The following APPBP2 variants were observed in gnomAD, a reference collection of about 807,000 sequenced individuals.
APPBP2 encodes the protein amyloid protein-binding protein 2.
APPBP2 carries 15 observed loss-of-function variants against 76.0 expected under a neutral mutation model. The ratio of observed to expected loss-of-function variants is 0.20; its 90% CI spans 0.13 to 0.30. The LOEUF is 0.30. Among genes scored for constraint, APPBP2 ranks in the 10% least tolerant of loss-of-function variants. The pLI is 1.00. For synonymous variants in APPBP2, 222 were observed against 242.2 expected, an observed-to-expected ratio of 0.92 and a Z score of 0.77; for missense variants, 401 against 687.2, an observed-to-expected ratio of 0.58 and a Z score of 4.66.
At chr17:60,462,776 C>T (rs887832318) in intron 6 of APPBP2, 3 of 152,032 alleles carry the variant, frequency 2.0e-5, no homozygotes, top group African/African-American at 7.3e-5. Flanking sequence ...CGGTGAAACC[C>T]CGTCTCTACT....
intron 1 of APPBP2, among the ~76,000 whole-genome samples, chr17:60,505,055 T>C (rs573109316): frequency 2.6e-5 from 4 of 152,336 alleles, no homozygotes; most frequent in Non-Finnish European, 5.9e-5. Flanking sequence ...CTAAATTGTA[T>C]ATCTACATTA....
At chr17:60,468,906 T>C (rs2090530405) in intron 4 of APPBP2, among the ~76,000 whole-genome samples, 1 of 152,210 alleles carries the variant, frequency 6.6e-6, no homozygotes, top group African/African-American at 2.4e-5. Context: ...ATGAAAAATA[T>C]ACAAATGTGT....
At chr17:60,496,163 A>C (rs1238616844) in intron 2 of APPBP2, among the ~76,000 whole-genome samples, 1 of 152,226 alleles carries the variant, frequency 6.6e-6, no homozygotes, top group East Asian at 1.9e-4. Flanking sequence ...AGCCAAGAGG[A>C]AATGGAGTTG....
chr17:60,501,363 C>T (rs1392481250), intron 1 of APPBP2, among the ~76,000 whole-genome samples: 1 of 151,926 alleles, frequency 6.6e-6, no homozygotes, highest in Non-Finnish European at 1.5e-5. Context: ...TACTATTGTC[C>T]CTCCCTGCAA....
In APPBP2 at chr17:60,479,078, T is replaced by C. The variant is rs113407114; in HGVS notation, c.503+70A>G. ...TTACTCAAATGTTGGCATATACTTA[T>C]AAGAGCTAAAACTATAAAAGCCACT... On this transcript the variant is annotated intron_variant, in intron 4 of 12. Transcript: ENST00000083182. 5.2e-4 allele frequency: 763 copies of C among 1,474,562 alleles called. 2 individuals are homozygous for C. In the African/African-American group the frequency reaches 9.2e-3, roughly 18 times the overall value. The allele number at this position is 1,474,562 out of a possible 1,614,324, so 91.3% of individuals were successfully genotyped here.
At chr17:60,522,988 C>T (rs2091022644) in intron 1 of APPBP2, among the ~76,000 whole-genome samples, 1 of 152,004 alleles carries the variant, frequency 6.6e-6, no homozygotes, top group African/African-American at 2.4e-5. Context: ...ACCCCATCTC[C>T]TAATGCTTTA....
intron 1 of APPBP2, among the ~76,000 whole-genome samples, chr17:60,519,284 C>T (rs2090989168): frequency 6.6e-6 from 1 of 152,072 alleles, no homozygotes; most frequent in Admixed American, 6.6e-5. Context: ...TAGTGTTTGA[C>T]ATTTTCATGA....
chr17:60,455,206 G>GA (rs1197800265), intron 10 of APPBP2, among the ~76,000 whole-genome samples: 2 of 152,042 alleles, frequency 1.3e-5, no homozygotes, highest in Non-Finnish European at 2.9e-5. Context: ...GTAGAGACAT[G>GA]AAAAAATGTA....
Position 60,446,251 on chromosome 17 carries a change from T to C in APPBP2, c.*1330A>G, listed in dbSNP as rs994781795. ...GAGGTAACAGCAAAATACCTTTTTG[T>C]TTCTTGAATTGCTACATGTCACAAA... On this transcript the variant is annotated 3_prime_UTR_variant, in exon 13 of 13. Transcript: ENST00000083182. 6.6e-6 allele frequency: 1 copy of C among 152,636 alleles called. No homozygotes were observed. Among genetic ancestry groups the C allele is most frequent in the Non-Finnish European group, 1.5e-5 (1 of 68,038 alleles). 9.5% of individuals were successfully genotyped at this position (152,636 alleles called of 1,614,324 possible). A position where few individuals can be genotyped will look rare whatever the true frequency, so the allele number is the denominator to read the frequency against.
intron 3 of APPBP2, among the ~76,000 whole-genome samples, chr17:60,486,581 G>A (rs536459817): frequency 4.8e-4 from 73 of 152,084 alleles, no homozygotes; most frequent in African/African-American, 1.7e-3. Context: ...TTGAGCCTAC[G>A]TGTGTCTCTG....
intron 3 of APPBP2, among the ~76,000 whole-genome samples, chr17:60,484,877 C>CTCT (rs369974913): frequency 0.082 from 12,461 of 152,048 alleles, 1,683 homozygotes; most frequent in African/African-American, 0.28. Flanking sequence ...TCTTAAACGG[C>CTCT]TATTATTTTG....
At position 60,456,468 on chromosome 17, in the gene APPBP2, T is replaced by C. The variant is rs956956214; in HGVS notation, c.1062-87A>G. On this transcript the variant is annotated intron_variant, in intron 9 of 12. Coordinates refer to ENST00000083182, the MANE Select transcript of APPBP2 (RefSeq NM_006380.5). ...AAAAATCACAATCTGTAATATAATATTGATAGAAAGTACTTCTAAAACTAT... is the reference window on the plus strand; with the variant it reads ...AAAAATCACAATCTGTAATATAATACTGATAGAAAGTACTTCTAAAACTAT... 2.0e-5 allele frequency: 17 copies of C among 867,602 alleles called. No homozygotes were observed. In the African/African-American group the frequency reaches 2.2e-4, roughly 11 times the overall value. 53.7% of individuals were successfully genotyped at this position (867,602 alleles called of 1,614,324 possible). A position where few individuals can be genotyped will look rare whatever the true frequency, so the allele number is the denominator to read the frequency against.
At chr17:60,502,770 T>C (rs983772155) in intron 1 of APPBP2, among the ~76,000 whole-genome samples, 1 of 145,948 alleles carries the variant, frequency 6.9e-6, no homozygotes, top group Non-Finnish European at 1.5e-5. Context: ...AGAGAATCGC[T>C]TGAACTCGTA....
chr17:60,482,168 A>T (rs1187028447), intron 3 of APPBP2, among the ~76,000 whole-genome samples: 3 of 152,256 alleles, frequency 2.0e-5, no homozygotes, highest in East Asian at 3.8e-4. Context: ...GGTGTGAGCC[A>T]CCGCGTCCGG....
At chr17:60,500,287 G>GT in intron 2 of APPBP2, 112 bp downstream of exon 2, 2 of 728,994 alleles carry the variant, frequency 2.7e-6, no homozygotes, top group South Asian at 2.0e-5. Context: ...GATTACAGGC[G>GT]TAAGCCACAG....
chr17:60,448,330 G>A (rs1448139278), intron 12 of APPBP2, among the ~76,000 whole-genome samples: 1 of 152,184 alleles, frequency 6.6e-6, no homozygotes, highest in African/African-American at 2.4e-5. Context: ...GGGCGTGGTG[G>A]TGCATGCTTG....
chr17:60,502,273 G>A (rs997146104), intron 1 of APPBP2, among the ~76,000 whole-genome samples: 1 of 152,158 alleles, frequency 6.6e-6, no homozygotes, highest in Admixed American at 6.6e-5. Context: ...CTATAGAAAA[G>A]TAAGAGCTTC....
rs537759602 is a variant in APPBP2 at position 60,526,010 on chromosome 17, G to A, written c.-79C>T. On this transcript the variant is annotated 5_prime_UTR_variant, in exon 1 of 13. Transcript: ENST00000083182. ...CTCCCTCCGTAGCGAACCCCTCTGC[G>A]GCCCCGGAGGATTCGGAGGGGCGGT... 2 of 1,404,380 alleles carry A rather than the reference G, an allele frequency of 1.4e-6. No individual in the cohort carries two copies. The highest frequency in any genetic ancestry group is 1.4e-5 in the African/African-American group (1 of 69,580). The allele number at this position is 1,404,380 out of a possible 1,614,324, so 87.0% of individuals were successfully genotyped here. A position where few individuals can be genotyped will look rare whatever the true frequency, so the allele number is the denominator to read the frequency against.
At chr17:60,448,473 A>T (rs1373140952) in intron 12 of APPBP2, among the ~76,000 whole-genome samples, 1 of 152,194 alleles carries the variant, frequency 6.6e-6, no homozygotes, top group Non-Finnish European at 1.5e-5. Flanking sequence ...AAAAAAACCA[A>T]CCAACAAATG....
Sources: gnomAD v4.1 joint callset for allele counts (sites outside exome capture counted in the v4.1 genomes callset) on GRCh38, gnomAD v4.1.1 for gene constraint, MANE v1.5 for transcripts, NCBI Gene and HGNC (gene_info 2026-07-23, HGNC 2026-07-21) for gene names.